NCKAP1L: variants seen among roughly 807,000 people sequenced by gnomAD.
NCKAP1L encodes the protein nck-associated protein 1-like.
NCKAP1L carries 53 observed loss-of-function variants against 139.2 expected under a neutral mutation model. That is an observed-to-expected ratio of 0.38 (90% CI 0.31 to 0.48). The LOEUF (loss-of-function observed/expected upper bound fraction) is 0.48. Ranked by LOEUF, NCKAP1L falls within the 20% of genes least tolerant of loss-of-function variation. The pLI, the probability that NCKAP1L is intolerant of heterozygous loss-of-function variation, is 0.98. For missense variants in NCKAP1L, 1,151 were observed against 1,381.9 expected, an observed-to-expected ratio of 0.83 and a Z score of 2.65; for synonymous variants, 468 against 499.7, an observed-to-expected ratio of 0.94 and a Z score of 0.85.
rs1422026863 is a variant in NCKAP1L at position 54,548,101 on chromosome 12, A to G, written c.*5416A>G. The G allele has an allele frequency of 6.6e-6, 1 of 152,098 alleles. No homozygotes were observed. The highest frequency in any genetic ancestry group is 1.5e-5 in the Non-Finnish European group (1 of 68,032). 9.4% of individuals were successfully genotyped at this position (152,098 alleles called of 1,614,324 possible). On this transcript the variant is annotated 3_prime_UTR_variant, in exon 31 of 31. Transcript: ENST00000293373. ...AGTTCATCCGCTTCTTCGCCCTTCC[A>G]TTTCACTTCTTTTCTCCTTCTCTGA...
chr12:54,516,444 TC>T, intron 10 of NCKAP1L, 149 bp downstream of exon 10: 2 of 704,894 alleles, frequency 2.8e-6, no homozygotes, highest in Non-Finnish European at 4.7e-6. Flanking sequence ...TTTTTTCTTT[TC>T]TTTTCTTTTT....
At chr12:54,528,175 GGTA>G in intron 21 of NCKAP1L, 69 bp from the exon 22 acceptor site, 1 of 1,549,828 alleles carries the variant, frequency 6.5e-7, no homozygotes, top group Non-Finnish European at 8.8e-7. Flanking sequence ...TGAGCTCAGT[GGTA>G]GTAGTAGGGA....
chr12:54,508,680 C>T, intron 5 of NCKAP1L, 149 bp downstream of exon 5: 3 of 812,012 alleles, frequency 3.7e-6, no homozygotes, highest in East Asian at 2.5e-5. Context: ...TACACTTTTA[C>T]ATATTCAGTT....
At position 54,523,545 on chromosome 12, in the gene NCKAP1L, G is replaced by A; in HGVS notation, c.2024+6G>A. Reference sequence around the variant, plus strand: ...AACCGCAGCATTGTCACCAAGTGAGGACCTGGGCCCTAGATGGCCAGCTGG... The same window carrying A: ...AACCGCAGCATTGTCACCAAGTGAGAACCTGGGCCCTAGATGGCCAGCTGG... On this transcript the variant is annotated splice_donor_region_variant and intron_variant, in intron 19 of 30. Transcript: ENST00000293373. The A allele has an allele frequency of 6.2e-7, 1 of 1,610,236 alleles. No individual in the cohort carries two copies. Among genetic ancestry groups the A allele is most frequent in the Non-Finnish European group, 8.5e-7 (1 of 1,178,924 alleles).
At chr12:54,537,662 C>T (rs181092997) in intron 29 of NCKAP1L, among the ~76,000 whole-genome samples, 4 of 152,170 alleles carry the variant, frequency 2.6e-5, no homozygotes, top group African/African-American at 2.4e-5. Flanking sequence ...ACTTCTCAAA[C>T]TTTAATGTAA....
chr12:54,540,543 C>T (rs1957149245), intron 30 of NCKAP1L, among the ~76,000 whole-genome samples: 1 of 152,178 alleles, frequency 6.6e-6, no homozygotes, highest in Admixed American at 6.5e-5. Flanking sequence ...GCTCTCTATC[C>T]ATAAAAGTGG....
At chr12:54,534,635 A>G (rs1389661382) in intron 26 of NCKAP1L, among the ~76,000 whole-genome samples, 2 of 152,214 alleles carry the variant, frequency 1.3e-5, no homozygotes, top group Non-Finnish European at 2.9e-5. Context: ...AGAGGGAAGC[A>G]CCTGAACCAG....
chr12:54,521,361 G>C, intron 18 of NCKAP1L, 123 bp downstream of exon 18: 1 of 1,354,392 alleles, frequency 7.4e-7, no homozygotes, highest in Non-Finnish European at 1.0e-6. Context: ...GTAGGGCTAG[G>C]GCCTTTCTGT....
At chr12:54,520,585 C>T (rs1956973619) in intron 16 of NCKAP1L, 109 bp from the exon 17 acceptor site, 4 of 1,112,502 alleles carry the variant, frequency 3.6e-6, no homozygotes, top group Non-Finnish European at 5.4e-6. Flanking sequence ...TCCTCTCCGC[C>T]TCAAAGGGAC....
chr12:54,542,061 G>A (rs926405797), intron 30 of NCKAP1L, among the ~76,000 whole-genome samples: 1 of 151,970 alleles, frequency 6.6e-6, no homozygotes, highest in South Asian at 2.1e-4. Context: ...AATTAATCAT[G>A]CCTGCTCCTT....
At chr12:54,527,627 C>T (rs1306601055) in intron 21 of NCKAP1L, among the ~76,000 whole-genome samples, 2 of 152,068 alleles carry the variant, frequency 1.3e-5, no homozygotes, top group Non-Finnish European at 1.5e-5. Context: ...GCCGTTTCAG[C>T]GTAAATTCAA....
At chr12:54,516,837 C>T (rs1956935488) in intron 10 of NCKAP1L, 59 bp from the exon 11 acceptor site, 9 of 1,431,832 alleles carry the variant, frequency 6.3e-6, no homozygotes, top group Non-Finnish European at 7.9e-6. Flanking sequence ...TCTGTGCTGC[C>T]TGTGGAGGGT....
intron 11 of NCKAP1L, among the ~76,000 whole-genome samples, 185 bp downstream of exon 11, chr12:54,517,177 G>A (rs949320604): frequency 2.0e-5 from 3 of 152,164 alleles, no homozygotes; most frequent in Admixed American, 1.3e-4. Context: ...GGCACTATAC[G>A]TAGTATGTGG....
chr12:54,497,976 C>A, intron 1 of NCKAP1L, 85 bp downstream of exon 1: 1 of 800,404 alleles, frequency 1.2e-6, no homozygotes, highest in Non-Finnish European at 2.2e-6. Context: ...AGCAGTTAGA[C>A]TCCCACCTTT....
At chr12:54,538,326 C>G (rs1054770488) in intron 29 of NCKAP1L, among the ~76,000 whole-genome samples, 1 of 152,200 alleles carries the variant, frequency 6.6e-6, no homozygotes, top group African/African-American at 2.4e-5. Flanking sequence ...GGGAATCCCC[C>G]ACCCTTGCCT....
intron 3 of NCKAP1L, among the ~76,000 whole-genome samples, chr12:54,501,934 T>C (rs1269944320): frequency 6.6e-6 from 1 of 152,196 alleles, no homozygotes; most frequent in Non-Finnish European, 1.5e-5. Flanking sequence ...GCCATCCCAG[T>C]GGGTGTGAGG....
chr12:54,516,836 C>A lies in NCKAP1L; in HGVS notation c.999-60C>A. ...CTAAATATAGCTTTCTTCTGTGCTG[C>A]CTGTGGAGGGTTTTTAAGGGTGGGA... On this transcript the variant is annotated intron_variant, in intron 10 of 30. Coordinates refer to ENST00000293373, the MANE Select transcript of NCKAP1L (RefSeq NM_005337.5). 4 of 1,418,032 alleles carry A rather than the reference C, an allele frequency of 2.8e-6. No individual in the cohort carries two copies. The South Asian group carries it at 4.6e-5, about 16-fold the overall frequency. The allele number at this position is 1,418,032 out of a possible 1,614,324, so 87.8% of individuals were successfully genotyped here. A position where few individuals can be genotyped will look rare whatever the true frequency, so the allele number is the denominator to read the frequency against.
chr12:54,515,596 G>T (rs1461673796), intron 9 of NCKAP1L, among the ~76,000 whole-genome samples: 1 of 152,136 alleles, frequency 6.6e-6, no homozygotes, highest in East Asian at 1.9e-4. Context: ...AGTAGAGAGA[G>T]TATAGGTGTC....
chr12:54,540,223 AG>A (rs1430448081), intron 30 of NCKAP1L, among the ~76,000 whole-genome samples: 1 of 152,222 alleles, frequency 6.6e-6, no homozygotes, highest in Non-Finnish European at 1.5e-5. Flanking sequence ...CAGAAATGCT[AG>A]GGGCCAGGGA....
Sources: allele counts gnomAD v4.1 joint callset (sites outside exome capture counted in the v4.1 genomes callset), GRCh38; gene constraint gnomAD v4.1.1; transcripts MANE v1.5; gene names NCBI Gene and HGNC (gene_info 2026-07-23, HGNC 2026-07-21).